The following PCDHA4 variants were observed in gnomAD, a reference collection of about 807,000 sequenced individuals.
The protein encoded by PCDHA4 is protocadherin alpha 4, also known as protocadherin alpha-4.
Under a neutral mutation model 61.4 loss-of-function variants are expected in PCDHA4, and 49 were observed. The ratio of observed to expected loss-of-function variants is 0.80; its 90% CI spans 0.63 to 1.01. PCDHA4 has a LOEUF of 1.01. PCDHA4 is among the 50% of genes least tolerant of loss of function. The pLI is 0.00. For synonymous variants in PCDHA4, 590 were observed against 550.3 expected (o/e 1.07, Z -1.01); for missense variants, 1,254 against 1,235.8 (o/e 1.01, Z -0.22).
intron 1 of PCDHA4, among the ~76,000 whole-genome samples, chr5:140,975,707 A>C (rs1445809800): frequency 6.6e-6 from 1 of 152,204 alleles, no homozygotes; most frequent in African/African-American, 2.4e-5. Context: ...ATTTTACTTT[A>C]AATCTTAGAA....
At chr5:140,979,408 GT>G (rs558051720) in intron 2 of PCDHA4, among the ~76,000 whole-genome samples, 17 of 147,706 alleles carry the variant, frequency 1.2e-4, no homozygotes, top group East Asian at 4.0e-4. Flanking sequence ...TGTCTACCTT[GT>G]TTTTTTTTTA....
chr5:140,823,570 G>A lies in PCDHA4; in HGVS notation c.2385+13998G>A, dbSNP rs2150127003. The A allele has an allele frequency of 1.9e-5, 31 of 1,613,864 alleles. No homozygotes were observed. Among genetic ancestry groups the A allele is most frequent in the Non-Finnish European group, 2.6e-5 (31 of 1,179,924 alleles). ...GGCGAAGGTGCGCGCAGTGGACCCT[G>A]ATTCGGGCTACAACGCTTGGCTTTC... is the stretch of plus-strand genomic sequence containing the variant. On this transcript the variant is annotated intron_variant, in intron 1 of 3. Coordinates refer to ENST00000530339, the MANE Select transcript of PCDHA4 (RefSeq NM_018907.4).
chr5:140,830,257 G>T (rs1581901410), intron 1 of PCDHA4: 1 of 1,613,574 alleles, frequency 6.2e-7, no homozygotes, highest in Admixed American at 1.7e-5. Flanking sequence ...CAGCGCTGCG[G>T]TGCTCGGCGC....
chr5:140,851,530 A>G (rs2042087003), intron 1 of PCDHA4: 6 of 902,946 alleles, frequency 6.6e-6, no homozygotes, highest in Non-Finnish European at 8.1e-6. Context: ...ATGCCTGACA[A>G]TGTAGATAAT....
chr5:140,916,492 C>T (rs1310558218), intron 1 of PCDHA4, among the ~76,000 whole-genome samples: 2 of 152,170 alleles, frequency 1.3e-5, no homozygotes, highest in Admixed American at 6.5e-5. Context: ...GCTCTTTAGT[C>T]AGCAGGTGAT....
intron 1 of PCDHA4, among the ~76,000 whole-genome samples, chr5:140,890,162 A>G (rs1433054233): frequency 6.6e-6 from 1 of 152,184 alleles, no homozygotes; most frequent in Non-Finnish European, 1.5e-5. Context: ...TATTTCTGCC[A>G]CAGAAATAGG....
rs200441286 is a variant in PCDHA4, at chr5:140,856,169, G to A, written c.2385+46597G>A. 1.9e-6 allele frequency: 3 copies of A among 1,598,230 alleles called. 1 individual carries two copies. The highest frequency in any genetic ancestry group is 2.6e-6 in the Non-Finnish European group (3 of 1,167,916). On this transcript the variant is annotated intron_variant, in intron 1 of 3. Transcript: ENST00000530339. ...CTCAGTCTACGAGGAGGCCAGACACGGCACCTTCGTGGGCCGCATCGCGCA... is the reference window on the plus strand; with the variant it reads ...CTCAGTCTACGAGGAGGCCAGACACAGCACCTTCGTGGGCCGCATCGCGCA...
At chr5:140,868,874 A>G (rs547590599) in intron 1 of PCDHA4, 25 of 646,974 alleles carry the variant, frequency 3.9e-5, no homozygotes, top group Middle Eastern at 8.7e-4. Flanking sequence ...AGTGCACAGT[A>G]CTCACAGTTT....
intron 1 of PCDHA4, chr5:140,870,277 G>C: frequency 6.2e-7 from 1 of 1,614,168 alleles, no homozygotes; most frequent in South Asian, 1.1e-5. Flanking sequence ...GACGCCCCAC[G>C]TTCCCTTCAA....
intron 1 of PCDHA4, chr5:140,835,703 C>T (rs2150242433): frequency 2.5e-6 from 4 of 1,613,784 alleles, no homozygotes; most frequent in African/African-American, 2.7e-5. Flanking sequence ...CCACTGCTAG[C>T]GTGTCCGTGG....
chr5:140,836,796 CCTT>C (rs2150270187), intron 1 of PCDHA4: 1 of 1,377,882 alleles, frequency 7.3e-7, no homozygotes, highest in Non-Finnish European at 9.9e-7. Flanking sequence ...CAATTGGTCT[CCTT>C]AAATTTTCTT....
intron 1 of PCDHA4, among the ~76,000 whole-genome samples, chr5:140,913,086 A>G (rs937964424): frequency 6.6e-6 from 1 of 152,142 alleles, no homozygotes; most frequent in Admixed American, 6.6e-5. Flanking sequence ...TGGTATCAGG[A>G]TAATACTGGC....
chr5:140,830,374 G>T, intron 1 of PCDHA4: 2 of 1,614,156 alleles, frequency 1.2e-6, no homozygotes, highest in Non-Finnish European at 8.5e-7. Context: ...TGTGCTCCGG[G>T]GAGGGCCCAC....
intron 1 of PCDHA4, among the ~76,000 whole-genome samples, chr5:140,924,240 G>T (rs1554201838): frequency 2.6e-5 from 4 of 152,186 alleles, no homozygotes; most frequent in Non-Finnish European, 5.9e-5. Flanking sequence ...GGGCTGTTTT[G>T]CATCCTGGTG....
intron 3 of PCDHA4, among the ~76,000 whole-genome samples, chr5:140,994,916 G>C (rs191112964): frequency 2.0e-5 from 3 of 152,332 alleles, no homozygotes; most frequent in Admixed American, 1.3e-4. Context: ...ACTGGAATCA[G>C]ATTTTGTAGG....
At chr5:140,876,938 T>C in intron 1 of PCDHA4, 1 of 1,613,716 alleles carries the variant, frequency 6.2e-7, no homozygotes, top group East Asian at 2.2e-5. Context: ...AAGAACGCGC[T>C]GGTGTCCTAC....
intron 3 of PCDHA4, among the ~76,000 whole-genome samples, chr5:140,983,513 CTG>C (rs1165213074): frequency 6.6e-6 from 1 of 152,196 alleles, no homozygotes; most frequent in Non-Finnish European, 1.5e-5. Context: ...TGCCTAGACA[CTG>C]TGCCAAGTAC....
chr5:140,830,164 G>A, intron 1 of PCDHA4: 1 of 1,613,544 alleles, frequency 6.2e-7, no homozygotes, highest in Non-Finnish European at 8.5e-7. Context: ...GCCCAGAGGC[G>A]GCGCTGGTGG....
At position 140,850,397 on chromosome 5, in the gene PCDHA4, G is replaced by C. The variant is rs143469399; in HGVS notation, c.2385+40825G>C. ...TGTACACGGGCGAGATCAGCACAAC[G>C]CGTGCCCTGGACGAAACGGACGCAC... On this transcript the variant is annotated intron_variant, in intron 1 of 3. Transcript: ENST00000530339. 45 of 1,597,958 alleles carry C rather than the reference G, an allele frequency of 2.8e-5. 5 individuals are homozygous for C. In the African/African-American group the frequency reaches 5.4e-4, roughly 19 times the overall value.
Sources: gnomAD v4.1 joint callset for allele counts (sites outside exome capture counted in the v4.1 genomes callset) on GRCh38, gnomAD v4.1.1 for gene constraint, MANE v1.5 for transcripts, NCBI Gene and HGNC (gene_info 2026-07-23, HGNC 2026-07-21) for gene names.